The following DDX25 variants were observed in gnomAD, a reference collection of about 807,000 sequenced individuals.
DDX25 encodes the protein DEAD-box helicase 25.
DDX25 carries 70 observed loss-of-function variants against 64.6 expected under a neutral mutation model. That is an observed-to-expected ratio of 1.08 (90% CI 0.89 to 1.32). The LOEUF (loss-of-function observed/expected upper bound fraction) is 1.32, where lower values mean the gene tolerates loss of function less well. DDX25 is among the 40% of genes most tolerant of loss of function. The pLI is 0.00. For missense variants in DDX25, 587 were observed against 604.4 expected, an observed-to-expected ratio of 0.97 and a Z score of 0.30; for synonymous variants, 211 against 213.3, an observed-to-expected ratio of 0.99 and a Z score of 0.09.
chr11:125,917,067 C>G lies in DDX25; in HGVS notation c.854C>G (p.Ser285Cys). The change falls in exon 9 of 12, where the codon TCT becomes TGT. Residue 285 changes from serine (S) to cysteine (C), a missense_variant. Ser to Cys is a moderately radical substitution (Grantham distance 112). Coordinates refer to ENST00000263576, the MANE Select transcript of DDX25 (RefSeq NM_013264.5). ...MLLFSATFED[S>C]VWHFAERIIP... ...CTCTTTTCAGCAACCTTTGAGGACT[C>G]TGTGTGGCACTTTGCTGAGCGAATC... 1 of 1,609,448 alleles carries G rather than the reference C, an allele frequency of 6.2e-7. No homozygotes were observed.
At chr11:125,909,144 G>A (rs2134275828) in intron 6 of DDX25, among the ~76,000 whole-genome samples, 1 of 152,182 alleles carries the variant, frequency 6.6e-6, no homozygotes, top group South Asian at 2.1e-4. Context: ...AAAAGTATCT[G>A]GTCGTCTCTC....
chr11:125,906,937 G>T (rs1464991173), intron 4 of DDX25, among the ~76,000 whole-genome samples: 4 of 152,072 alleles, frequency 2.6e-5, no homozygotes, highest in Non-Finnish European at 5.9e-5. Context: ...TGCTCAGGGG[G>T]ATAGATAGCT....
chr11:125,914,626 C>CAGAGATCA (rs1377852030), intron 8 of DDX25, among the ~76,000 whole-genome samples: 35 of 152,178 alleles, frequency 2.3e-4, no homozygotes, highest in Admixed American at 2.3e-3. Context: ...TAATTTTCAG[C>CAGAGATCA]AGAGATCAAA....
At chr11:125,912,199 T>C (rs1222412329) in intron 8 of DDX25, among the ~76,000 whole-genome samples, 3 of 152,244 alleles carry the variant, frequency 2.0e-5, no homozygotes. Flanking sequence ...TTCATACTGC[T>C]GTTTCCTGAT....
intron 6 of DDX25, 151 bp from the exon 7 acceptor site, chr11:125,910,213 A>G: frequency 1.6e-6 from 1 of 631,942 alleles, no homozygotes; most frequent in Non-Finnish European, 2.8e-6. Context: ...TCTGTCAACT[A>G]TTAAACTGTA....
Position 125,911,488 on chromosome 11 carries a change from G to C in DDX25, c.800G>C (p.Arg267Thr). 1 of 1,613,192 alleles carries C rather than the reference G, an allele frequency of 6.2e-7. No individual in the cohort carries two copies. Among genetic ancestry groups the C allele is most frequent in the Non-Finnish European group, 8.5e-7 (1 of 1,179,562 alleles). The change falls in exon 8 of 12, where the codon AGA becomes ACA. Residue 267 changes from arginine to threonine, a missense_variant and splice_region_variant. Coordinates refer to ENST00000263576, the MANE Select transcript of DDX25 (RefSeq NM_013264.5). ...GFSDHSIRIQ[R>T]ALPSECQMLL... ...TCAGATCATAGTATTCGTATTCAAA[G>C]GTAATCTTCAGAGTCTTCCTCTCTT... is the stretch of plus-strand genomic sequence containing the variant.
In DDX25 at chr11:125,904,523, G is replaced by A; in HGVS notation, c.6G>A (p.Ala2=). 2 of 1,492,174 alleles carry A rather than the reference G, an allele frequency of 1.3e-6. No individual in the cohort carries two copies. The allele number at this position is 1,492,174 out of a possible 1,614,324, so 92.4% of individuals were successfully genotyped here. ...CGGGAGCAGCAATCGCAGCCATGGC[G>A]TCGTTACTGTGGGGAGGCGACGCAG... M[A]SLLWGGDAGA... The change falls in exon 1 of 12, where the codon GCG becomes GCA. Residue 2 remains alanine, a synonymous_variant. Coordinates refer to ENST00000263576, the MANE Select transcript of DDX25 (RefSeq NM_013264.5).
chr11:125,906,094 C>A lies in DDX25; in HGVS notation c.196C>A (p.Leu66Ile). The change falls in exon 4 of 12, where the codon CTC becomes ATC. Residue 66 changes from leucine to isoleucine, a missense_variant. By Grantham distance (5) the Leu-to-Ile change is conservative. Coordinates refer to ENST00000263576, the MANE Select transcript of DDX25 (RefSeq NM_013264.5). ...EDVVDLAANS[L>I]LNKLIHQSLV... ...TCTAGTGGATTTGGCAGCTAATTCA[C>A]TCTTAAACAAGTTAATCCATCAATC... The A allele has an allele frequency of 6.5e-7, 1 of 1,542,484 alleles. No individual in the cohort carries two copies. The highest frequency in any genetic ancestry group is 1.2e-5 in the South Asian group (1 of 81,126).
Position 125,921,348 on chromosome 11 carries a change from G to A in DDX25, c.1359G>A (p.Leu453=). 1.2e-6 allele frequency: 2 copies of A among 1,613,766 alleles called. No individual in the cohort carries two copies. The highest frequency in any genetic ancestry group is 1.7e-6 in the Non-Finnish European group (2 of 1,179,842). Residue 453 remains leucine, a synonymous_variant, in exon 11 of 12, where the codon CTG becomes CTA. Transcript: ENST00000263576. The surrounding 1 kb of genome is among the most constrained non-coding windows in gnomAD (Gnocchi z 4.1). ...LAFNMIEVDE[L]PSLMKIQDHF... ...TCAACATGATTGAAGTAGATGAGCT[G>A]CCCTCGCTCATGAAAATCCAGGACC...
intron 4 of DDX25, among the ~76,000 whole-genome samples, chr11:125,906,657 C>T (rs632938): frequency 0.059 from 8,940 of 151,766 alleles, 356 homozygotes; most frequent in Non-Finnish European, 0.089. Flanking sequence ...AAAACCCCCT[C>T]TCCACTAAAA....
Position 125,919,528 on chromosome 11 carries a change from G to A in DDX25, c.1201+738G>A, listed in dbSNP as rs1945083510. ...CTCTCTGGAGTTTCTCATCTTAAAA[G>A]TGTTGACTACTGGTGAAAAAAATCC... On this transcript the variant is annotated intron_variant, in intron 10 of 11. Transcript: ENST00000263576. Among the ~76,000 whole-genome samples, 2 of 148,672 alleles carry A rather than the reference G, an allele frequency of 1.3e-5. 1 individual carries two copies. The highest frequency in any genetic ancestry group is 1.3e-4 in the Admixed American group (2 of 14,830).
chr11:125,908,058 T>C, intron 4 of DDX25, 138 bp from the exon 5 acceptor site: 1 of 669,812 alleles, frequency 1.5e-6, no homozygotes, highest in South Asian at 2.0e-5. Context: ...AGTTGAGGTA[T>C]GAATGATCTA....
rs1217789883 is a variant in DDX25, at chr11:125,914,423, A to G, written c.801-2591A>G. Among the ~76,000 whole-genome samples, 3 of 152,326 alleles carry G rather than the reference A, an allele frequency of 2.0e-5. No individual in the cohort carries two copies. The East Asian group carries it at 5.8e-4, about 29-fold the overall frequency. On this transcript the variant is annotated intron_variant, in intron 8 of 11. Transcript: ENST00000263576. ...GAGAGGGCCGTCCCATTCGGTATGC[A>G]TATTTTCACTTGATCTCCTCTTTTC...
upstream of DDX25, chr11:125,904,500 G>A (rs1192036461): frequency 2.0e-5 from 30 of 1,480,142 alleles, no homozygotes; most frequent in East Asian, 2.6e-5. Context: ...GCTGGGGGCG[G>A]GAGCAGCAAT....
rs1172801715 is a variant in DDX25, at chr11:125,921,390, C to T, written c.1390+11C>T. Reference sequence around the variant, plus strand: ...TCCAGGACCACTTTAGTAAGTAGCACCACCCTCACAATATGAACTACAGAC... The same window carrying T: ...TCCAGGACCACTTTAGTAAGTAGCATCACCCTCACAATATGAACTACAGAC... On this transcript the variant is annotated intron_variant, in intron 11 of 11. Coordinates refer to ENST00000263576, the MANE Select transcript of DDX25 (RefSeq NM_013264.5). This position sits in a 1 kb window ranked among gnomAD's most constrained non-coding sequence, Gnocchi z 4.1. The T allele has an allele frequency of 6.2e-7, 1 of 1,611,796 alleles. No individual in the cohort carries two copies. Among genetic ancestry groups the T allele is most frequent in the Non-Finnish European group, 8.5e-7 (1 of 1,178,686 alleles).
chr11:125,922,697 T>G, intron 11 of DDX25, 123 bp from the exon 12 acceptor site: 1 of 811,004 alleles, frequency 1.2e-6, no homozygotes, highest in Non-Finnish European at 1.9e-6. Context: ...GCACCCTTCC[T>G]TCCTTATGTT....
In DDX25 at chr11:125,905,970, C is replaced by T. The variant is rs1000030391; in HGVS notation, c.176-104C>T. ...AACCCTCTTTTAGAGGAAAAATGAG[C>T]GTAGGTGCAATTGCTTGGTATACAA... On this transcript the variant is annotated intron_variant, in intron 3 of 11. Transcript: ENST00000263576. The T allele has an allele frequency of 1.7e-5, 23 of 1,362,436 alleles. No homozygotes were observed. In the Admixed American group the frequency reaches 5.1e-4, roughly 30 times the overall value. 84.4% of individuals were successfully genotyped at this position (1,362,436 alleles called of 1,614,324 possible).
At chr11:125,903,329 G>C (rs1162981436), upstream of DDX25, 1 of 706,128 alleles carries the variant, frequency 1.4e-6, no homozygotes, top group East Asian at 1.3e-4. Flanking sequence ...AGGTTTTCTA[G>C]TCCAGCTACC....
intron 8 of DDX25, among the ~76,000 whole-genome samples, chr11:125,915,324 AAG>A: frequency 6.6e-6 from 1 of 152,348 alleles, no homozygotes; most frequent in South Asian, 2.1e-4. Context: ...TCCAAAAAGA[AAG>A]AGATGAAATT....
Sources: allele counts gnomAD v4.1 joint callset (sites outside exome capture counted in the v4.1 genomes callset), GRCh38; gene constraint gnomAD v4.1.1; non-coding constraint Gnocchi (gnomAD v3.1); transcripts MANE v1.5; gene names NCBI Gene and HGNC (gene_info 2026-07-23, HGNC 2026-07-21).